The following TNRC6B variants were observed in gnomAD, a reference collection of about 807,000 sequenced individuals.
TNRC6B encodes trinucleotide repeat containing adaptor 6B.
TNRC6B carries 52 observed loss-of-function variants against 203.6 expected under a neutral mutation model. That is an observed-to-expected ratio of 0.26 (90% CI 0.20 to 0.32). The LOEUF is 0.32. Ranked by LOEUF, TNRC6B falls within the 10% of genes least tolerant of loss-of-function variation. The probability of loss-of-function intolerance (pLI) is 1.00; values close to 1 mark genes in which losing one functional copy is unlikely to be tolerated. For missense variants in TNRC6B, 1,923 were observed against 2,286.2 expected (o/e 0.84, Z 3.24); for synonymous variants, 838 against 845.7 (o/e 0.99, Z 0.16).
chr22:40,289,020 G>A (rs2070831166), intron 12 of TNRC6B, among the ~76,000 whole-genome samples: 1 of 150,738 alleles, frequency 6.6e-6, no homozygotes, highest in Non-Finnish European at 1.5e-5. Context: ...CACCATGTTG[G>A]CCAAGCTGGT....
At chr22:40,065,962 T>C (rs1157259541) in intron 1 of TNRC6B, among the ~76,000 whole-genome samples, 1 of 152,200 alleles carries the variant, frequency 6.6e-6, no homozygotes, top group Non-Finnish European at 1.5e-5. Flanking sequence ...ATAAACGTGC[T>C]GTTTTTGAAC....
chr22:40,297,963 A>G (rs2070966727), intron 12 of TNRC6B, among the ~76,000 whole-genome samples: 1 of 151,856 alleles, frequency 6.6e-6, no homozygotes, highest in Non-Finnish European at 1.5e-5. Context: ...TCTACTAAAA[A>G]AAATACAAAA....
chr22:40,193,476 G>T (rs1178644816), intron 1 of TNRC6B, among the ~76,000 whole-genome samples: 1 of 152,214 alleles, frequency 6.6e-6, no homozygotes. Context: ...CCCTTCTGAA[G>T]CACAAATAGG....
intron 1 of TNRC6B, among the ~76,000 whole-genome samples, chr22:40,076,587 AG>A (rs1158794365): frequency 6.6e-6 from 1 of 152,088 alleles, no homozygotes. Flanking sequence ...TTTCTTTTGT[AG>A]AGACAGCCTC....
At chr22:40,057,428 G>A (rs1473972343) in intron 1 of TNRC6B, among the ~76,000 whole-genome samples, 1 of 151,786 alleles carries the variant, frequency 6.6e-6, no homozygotes, top group Non-Finnish European at 1.5e-5. Flanking sequence ...CGAGTAGCTG[G>A]GATCACAGGC....
intron 9 of TNRC6B, among the ~76,000 whole-genome samples, 154 bp from the exon 10 acceptor site, chr22:40,279,841 G>C (rs1173896327): frequency 6.6e-6 from 1 of 152,108 alleles, no homozygotes; most frequent in African/African-American, 2.4e-5. Flanking sequence ...CAGCAGCCTG[G>C]ACCAATGAGA....
At chr22:40,300,825 A>T in intron 13 of TNRC6B, 85 bp from the exon 14 acceptor site, 1 of 1,345,988 alleles carries the variant, frequency 7.4e-7, no homozygotes, top group Non-Finnish European at 1.0e-6. Flanking sequence ...TGTGACCTGT[A>T]CTTCAGTGCA....
In TNRC6B at chr22:40,279,978, T is replaced by C; in HGVS notation, c.3263-17T>C. The C allele has an allele frequency of 1.2e-6, 2 of 1,613,644 alleles. No homozygotes were observed. The highest frequency in any genetic ancestry group is 8.5e-7 in the Non-Finnish European group (1 of 1,179,640). ...ATTGATTCTGGAAATTTTCACTCTGTGTATGCTACTTTTCAGGAAGCCTTT... is the reference window on the plus strand; with the variant it reads ...ATTGATTCTGGAAATTTTCACTCTGCGTATGCTACTTTTCAGGAAGCCTTT... On this transcript the variant is annotated splice_polypyrimidine_tract_variant and intron_variant, in intron 9 of 22. Transcript: ENST00000454349.
chr22:40,091,756 G>C (rs1034801742), intron 1 of TNRC6B, among the ~76,000 whole-genome samples: 6 of 152,012 alleles, frequency 3.9e-5, no homozygotes, highest in Non-Finnish European at 7.4e-5. Context: ...TTAAGCTGAC[G>C]ATGGGAACTT....
intron 1 of TNRC6B, among the ~76,000 whole-genome samples, chr22:40,093,534 C>G (rs1171352586): frequency 6.6e-6 from 1 of 152,138 alleles, no homozygotes; most frequent in Non-Finnish European, 1.5e-5. Flanking sequence ...AGAGAAAAAG[C>G]AGACTGCAGA....
chr22:40,072,137 T>C (rs1382758822), intron 1 of TNRC6B, among the ~76,000 whole-genome samples: 1 of 152,216 alleles, frequency 6.6e-6, no homozygotes, highest in African/African-American at 2.4e-5. Context: ...GATTACAAGA[T>C]ACATTTTTTA....
rs373878141 is a variant in TNRC6B, at chr22:40,326,793, G to A, written c.*3552G>A. On this transcript the variant is annotated 3_prime_UTR_variant, in exon 23 of 23. Coordinates refer to ENST00000454349, the MANE Select transcript of TNRC6B (RefSeq NM_001162501.2). The stretch of plus-strand genomic sequence containing the variant: ...ATTTTAAATATAGGCATTACTAGAG[G>A]AAAATTATCTATGGACTGTCCTATT... 4 of 152,676 alleles carry A rather than the reference G, an allele frequency of 2.6e-5. No individual in the cohort carries two copies. Among genetic ancestry groups the A allele is most frequent in the East Asian group, 1.9e-4 (1 of 5,192 alleles). The allele number at this position is 152,676 out of a possible 1,614,324, so 9.5% of individuals were successfully genotyped here.
At chr22:40,137,755 G>A (rs888967814) in intron 3 of TNRC6B, among the ~76,000 whole-genome samples, 1 of 151,996 alleles carries the variant, frequency 6.6e-6, no homozygotes, top group Non-Finnish European at 1.5e-5. Context: ...AGGCCGAGGC[G>A]GGTGGATTAC....
At chr22:40,264,352 C>T (rs2070438441) in intron 4 of TNRC6B, among the ~76,000 whole-genome samples, 1 of 152,144 alleles carries the variant, frequency 6.6e-6, no homozygotes, top group Non-Finnish European at 1.5e-5. Context: ...AAGATTGCTC[C>T]AGCCAGGGGT....
upstream of TNRC6B, among the ~76,000 whole-genome samples, chr22:40,177,184 G>A (rs371022160): frequency 3.3e-5 from 5 of 152,290 alleles, 1 homozygote; most frequent in East Asian, 1.9e-4. Flanking sequence ...TCCCTCAGCT[G>A]CAGAGCTACC....
chr22:40,075,245 A>T (rs2068002549), intron 1 of TNRC6B, among the ~76,000 whole-genome samples: 1 of 142,950 alleles, frequency 7.0e-6, no homozygotes, highest in Non-Finnish European at 1.5e-5. Context: ...ATCCAACTAT[A>T]ATTGTGGATT....
rs1215600237 is a variant in TNRC6B at position 40,264,284 on chromosome 22, T to C, written c.458-404T>C. 4.6e-5 allele frequency among the ~76,000 whole-genome samples: 7 copies of C among 152,272 alleles called. No homozygotes were observed. In the East Asian group the frequency reaches 1.4e-3, roughly 29 times the overall value. ...GGAGTTCAGCTTTATTCTTGTGCAC[T>C]AAGGAACTGTTGAAGGTTCTCCATA... On this transcript the variant is annotated intron_variant, in intron 4 of 22. Coordinates refer to ENST00000454349, the MANE Select transcript of TNRC6B (RefSeq NM_001162501.2).
intron 1 of TNRC6B, among the ~76,000 whole-genome samples, chr22:40,068,163 T>G (rs2067912732): frequency 9.9e-5 from 15 of 152,184 alleles, no homozygotes; most frequent in Admixed American, 9.8e-4. Flanking sequence ...AAAGTATTCT[T>G]ATGGTTTGAA....
At position 40,326,699 on chromosome 22, in the gene TNRC6B, T is replaced by C. The variant is rs2071406844; in HGVS notation, c.*3458T>C. Reference sequence around the variant, plus strand: ...TTAAAAAAAAAAGTAATCTGTAAAATAGTACAGTTGGATTGCTGAGAATCT... The same window carrying C: ...TTAAAAAAAAAAGTAATCTGTAAAACAGTACAGTTGGATTGCTGAGAATCT... On this transcript the variant is annotated 3_prime_UTR_variant, in exon 23 of 23. Transcript: ENST00000454349. 6.6e-6 allele frequency: 1 copy of C among 152,418 alleles called. No individual in the cohort carries two copies. Among genetic ancestry groups the C allele is most frequent in the Admixed American group, 6.6e-5 (1 of 15,254 alleles). 9.4% of individuals were successfully genotyped at this position (152,418 alleles called of 1,614,324 possible). A position where few individuals can be genotyped will look rare whatever the true frequency, so the allele number is the denominator to read the frequency against.
Sources: gnomAD v4.1 joint callset for allele counts (sites outside exome capture counted in the v4.1 genomes callset) on GRCh38, gnomAD v4.1.1 for gene constraint, MANE v1.5 for transcripts, NCBI Gene and HGNC (gene_info 2026-07-23, HGNC 2026-07-21) for gene names.